Variants in MTMR12 observed in about 807,000 individuals in gnomAD.
MTMR12 encodes myotubularin-related protein 12.
In MTMR12, 33 loss-of-function variants were observed where a neutral mutation model predicts 96.7. The ratio of observed to expected loss-of-function variants is 0.34; its 90% CI spans 0.26 to 0.46. The LOEUF (loss-of-function observed/expected upper bound fraction) is 0.46. MTMR12 is among the 20% of genes least tolerant of loss of function. MTMR12 has a pLI of 1.00. For synonymous variants in MTMR12, 298 were observed against 327.2 expected, an observed-to-expected ratio of 0.91 and a Z score of 0.96; for missense variants, 721 against 896.1, an observed-to-expected ratio of 0.80 and a Z score of 2.49.
chr5:32,240,619 G>C (rs1748431608), intron 12 of MTMR12, among the ~76,000 whole-genome samples: 1 of 151,900 alleles, frequency 6.6e-6, no homozygotes, highest in Non-Finnish European at 1.5e-5. Flanking sequence ...TTTCTTTTTG[G>C]AGACAGAGTC....
chr5:32,249,834 G>A (rs1028917923), intron 8 of MTMR12, among the ~76,000 whole-genome samples: 6 of 152,348 alleles, frequency 3.9e-5, no homozygotes, highest in Non-Finnish European at 8.8e-5. Flanking sequence ...CTAGAATGGA[G>A]AAGAAAGACA....
intron 10 of MTMR12, among the ~76,000 whole-genome samples, chr5:32,246,448 A>C (rs1454993906): frequency 6.6e-6 from 1 of 152,222 alleles, no homozygotes; most frequent in Non-Finnish European, 1.5e-5. Context: ...GGCATGAGCC[A>C]CTGCGCCCAG....
chr5:32,254,496 C>T (rs2112036740), intron 8 of MTMR12, among the ~76,000 whole-genome samples: 1 of 152,236 alleles, frequency 6.6e-6, no homozygotes, highest in South Asian at 2.1e-4. Flanking sequence ...ACTCTGTCCC[C>T]AAAACATGCT....
intron 9 of MTMR12, 101 bp from the exon 10 acceptor site, chr5:32,248,227 C>T: frequency 7.6e-7 from 1 of 1,323,826 alleles, no homozygotes; most frequent in South Asian, 1.4e-5. Flanking sequence ...AGTAGGCATT[C>T]TCCCATTTAA....
intron 1 of MTMR12, among the ~76,000 whole-genome samples, chr5:32,299,574 C>T (rs1751055831): frequency 6.6e-6 from 1 of 152,158 alleles, no homozygotes; most frequent in Non-Finnish European, 1.5e-5. Flanking sequence ...AGGGGAAGAG[C>T]TGGGAGAAGT....
chr5:32,312,203 G>A lies in MTMR12; in HGVS notation c.81+555C>T, dbSNP rs1288251006. The stretch of plus-strand genomic sequence containing the variant: ...GCGACAGCGGAGAATTCCCAAGGGA[G>A]AGACAAGCAGAGACTGGCTGAGGCC... On this transcript the variant is annotated intron_variant, in intron 1 of 15. Coordinates refer to ENST00000382142, the MANE Select transcript of MTMR12 (RefSeq NM_001040446.3). The surrounding 1 kb of genome is among the most constrained non-coding windows in gnomAD (Gnocchi z 5.0). Among the ~76,000 whole-genome samples the A allele has an allele frequency of 6.6e-6, 1 of 152,240 alleles. No homozygotes were observed. The highest frequency in any genetic ancestry group is 2.4e-5 in the African/African-American group (1 of 41,470).
intron 12 of MTMR12, among the ~76,000 whole-genome samples, chr5:32,239,559 C>T (rs1170518170): frequency 6.6e-6 from 1 of 152,170 alleles, no homozygotes; most frequent in East Asian, 1.9e-4. Context: ...GCTCTTCCCT[C>T]CTAGGGTGTG....
chr5:32,247,388 G>GTAT (rs1282050135), intron 10 of MTMR12, among the ~76,000 whole-genome samples: 6 of 152,096 alleles, frequency 3.9e-5, no homozygotes, highest in Non-Finnish European at 8.8e-5. Flanking sequence ...GTTATCTATA[G>GTAT]GCATGACAAA....
chr5:32,298,940 G>A (rs1208395889), intron 1 of MTMR12, among the ~76,000 whole-genome samples: 25 of 141,216 alleles, frequency 1.8e-4, no homozygotes, highest in Non-Finnish European at 3.2e-4. Flanking sequence ...GCGACAGAGC[G>A]AGACTCCATC....
At chr5:32,230,691 T>TA (rs1430666242) in intron 15 of MTMR12, among the ~76,000 whole-genome samples, 2 of 152,176 alleles carry the variant, frequency 1.3e-5, no homozygotes, top group South Asian at 2.1e-4. Flanking sequence ...CTGTTTAACT[T>TA]AAGATAGTTT....
intron 6 of MTMR12, 87 bp from the exon 7 acceptor site, chr5:32,263,329 G>T: frequency 6.5e-7 from 1 of 1,531,346 alleles, no homozygotes. Flanking sequence ...TTAGGTTTTG[G>T]TTTCCTCCAC....
intron 7 of MTMR12, among the ~76,000 whole-genome samples, chr5:32,262,161 G>C (rs1749384849): frequency 1.3e-5 from 2 of 152,102 alleles, no homozygotes; most frequent in African/African-American, 4.8e-5. Context: ...ATATAAAATG[G>C]AACAGTCTCT....
rs528269743 is a variant in MTMR12 at position 32,239,212 on chromosome 5, G to A, written c.1172-39C>T. 25 of 1,482,174 alleles carry A rather than the reference G, an allele frequency of 1.7e-5. No individual in the cohort carries two copies. In the East Asian group the frequency reaches 5.2e-4, roughly 31 times the overall value. The allele number at this position is 1,482,174 out of a possible 1,614,324, so 91.8% of individuals were successfully genotyped here. A position where few individuals can be genotyped will look rare whatever the true frequency, so the allele number is the denominator to read the frequency against. On this transcript the variant is annotated intron_variant, in intron 12 of 15. Coordinates refer to ENST00000382142, the MANE Select transcript of MTMR12 (RefSeq NM_001040446.3). ...CAGCAGCAGTGCAAAGAGGAAGGAG[G>A]GCATAAAATGTTAAAAAGTTTCAGA...
intron 8 of MTMR12, among the ~76,000 whole-genome samples, chr5:32,252,458 C>A (rs1281344230): frequency 6.6e-6 from 1 of 152,180 alleles, no homozygotes; most frequent in South Asian, 2.1e-4. Flanking sequence ...TCCTATGCAC[C>A]TACTGCAAAT....
chr5:32,312,765 C>A lies in MTMR12; in HGVS notation c.74G>T (p.Arg25Leu). 6.5e-7 allele frequency: 1 copy of A among 1,527,400 alleles called. No homozygotes were observed. The highest frequency in any genetic ancestry group is 2.8e-5 in the East Asian group (1 of 36,080). The allele number at this position is 1,527,400 out of a possible 1,614,324, so 94.6% of individuals were successfully genotyped here. Residue 25 changes from arginine (R) to leucine (L), a missense_variant, in exon 1 of 16, where the codon CGC (arginine) becomes CTC (leucine). By Grantham distance (102) the Arg-to-Leu change is moderately radical. Transcript: ENST00000382142. The surrounding 1 kb of genome is among the most constrained non-coding windows in gnomAD (Gnocchi z 5.0). ...TGCGCGGCGCCCCCTCACCTCAGGG[C>A]GTACGTACGACACGAAGGAGGGCTT... ...APKPSFVSYVRPEEIHTNEKE... is the reference protein window; with the variant it reads ...APKPSFVSYVLPEEIHTNEKE...
intron 1 of MTMR12, among the ~76,000 whole-genome samples, chr5:32,306,675 G>A (rs1751379242): frequency 6.6e-6 from 1 of 152,110 alleles, no homozygotes; most frequent in Admixed American, 6.6e-5. Context: ...GGCACTGCTG[G>A]CTAGTAGGAG....
chr5:32,251,267 G>A (rs192659043), intron 8 of MTMR12, among the ~76,000 whole-genome samples: 2,345 of 151,940 alleles, frequency 0.015, 32 homozygotes, highest in Non-Finnish European at 0.024. Flanking sequence ...GTTTTACCTC[G>A]TGATCCGCCC....
At chr5:32,261,876 T>C in intron 7 of MTMR12, among the ~76,000 whole-genome samples, 1 of 152,114 alleles carries the variant, frequency 6.6e-6, no homozygotes, top group East Asian at 1.9e-4. Context: ...ATCAAGACCA[T>C]CCTGGCTAAC....
rs181142478 is a variant in MTMR12, at chr5:32,272,950, G to A, written c.285+1030C>T. ...TGTTTAAAAAACAAGGGTGATCTGG[G>A]ACAGTTGGCACATTGGGGCCAGGAT... On this transcript the variant is annotated intron_variant, in intron 3 of 15. Transcript: ENST00000382142. Among the ~76,000 whole-genome samples, 563 of 152,262 alleles carry A rather than the reference G, an allele frequency of 3.7e-3. 3 individuals are homozygous for A. Among genetic ancestry groups the A allele is most frequent in the African/African-American group, 0.013 (527 of 41,538 alleles).
Sources: gnomAD v4.1 joint callset for allele counts (sites outside exome capture counted in the v4.1 genomes callset) on GRCh38, gnomAD v4.1.1 for gene constraint, Gnocchi (gnomAD v3.1) non-coding constraint, MANE v1.5 for transcripts, NCBI Gene and HGNC (gene_info 2026-07-23, HGNC 2026-07-21) for gene names.